The following GAB2 variants were observed in gnomAD, a reference collection of about 807,000 sequenced individuals.
GAB2 encodes the protein GRB2 associated binding protein 2.
In GAB2, 26 loss-of-function variants were observed where a neutral mutation model predicts 65.5. The ratio of observed to expected loss-of-function variants is 0.40; its 90% CI spans 0.29 to 0.55. GAB2 has a LOEUF of 0.55. Ranked by LOEUF, GAB2 falls within the 20% of genes least tolerant of loss-of-function variation. GAB2 has a pLI of 0.53. For missense variants in GAB2, 884 were observed against 875.8 expected (o/e 1.01, Z -0.12); for synonymous variants, 321 against 329.6 (o/e 0.97, Z 0.28).
chr11:78,251,788 T>A (rs1027847367), intron 2 of GAB2, among the ~76,000 whole-genome samples: 2 of 152,248 alleles, frequency 1.3e-5, no homozygotes, highest in African/African-American at 4.8e-5. Context: ...GCTCCCATTA[T>A]ATCCATGGTC....
intron 1 of GAB2, among the ~76,000 whole-genome samples, chr11:78,332,544 C>T (rs200625042): frequency 2.0e-5 from 3 of 152,140 alleles, no homozygotes; most frequent in East Asian, 1.9e-4. Context: ...ATGAGAGAAA[C>T]GGATCAGTAG....
intron 1 of GAB2, among the ~76,000 whole-genome samples, chr11:78,351,468 G>C (rs1856277105): frequency 6.6e-6 from 1 of 152,110 alleles, no homozygotes; most frequent in African/African-American, 2.4e-5. Context: ...TTGATTCTCA[G>C]CCTGGGATTC....
intron 3 of GAB2, among the ~76,000 whole-genome samples, chr11:78,245,824 T>A (rs1865278954): frequency 6.6e-6 from 1 of 152,252 alleles, no homozygotes; most frequent in African/African-American, 2.4e-5. Flanking sequence ...TAAAAGCAGA[T>A]CTCTTGGAAA....
At chr11:78,340,802 G>C (rs759664821) in intron 1 of GAB2, among the ~76,000 whole-genome samples, 4 of 152,156 alleles carry the variant, frequency 2.6e-5, no homozygotes, top group African/African-American at 4.8e-5. Context: ...AGGAAAGGGT[G>C]TATCTCTCAA....
chr11:78,249,849 T>C (rs901420819), intron 3 of GAB2, among the ~76,000 whole-genome samples: 1 of 82,634 alleles, frequency 1.2e-5, no homozygotes, highest in Non-Finnish European at 2.1e-5. Context: ...AAATTGACTG[T>C]TTTTTTTTGC....
chr11:78,348,243 G>A (rs981177371), intron 1 of GAB2, among the ~76,000 whole-genome samples: 1 of 152,100 alleles, frequency 6.6e-6, no homozygotes, highest in Admixed American at 6.6e-5. Context: ...AAGAATCCAA[G>A]TATAAATGGA....
At chr11:78,286,011 C>T (rs1042076163) in intron 1 of GAB2, among the ~76,000 whole-genome samples, 9 of 151,854 alleles carry the variant, frequency 5.9e-5, no homozygotes, top group Middle Eastern at 3.2e-3. Flanking sequence ...GCTTTCTTAC[C>T]GCTCTCACCT....
chr11:78,306,332 G>C (rs1855358304), intron 1 of GAB2, among the ~76,000 whole-genome samples: 1 of 152,152 alleles, frequency 6.6e-6, no homozygotes, highest in Non-Finnish European at 1.5e-5. Flanking sequence ...CCAGGTTCAA[G>C]CAATTCTCCT....
intron 6 of GAB2, 121 bp from the exon 7 acceptor site, chr11:78,222,316 G>A (rs900762942): frequency 1.7e-4 from 117 of 686,646 alleles, no homozygotes; most frequent in Non-Finnish European, 6.1e-5. Flanking sequence ...GTTTCACACA[G>A]GGAAACTGAC....
rs145702789 is a variant in GAB2 at position 78,346,475 on chromosome 11, T to G, written c.76-65574A>C. On this transcript the variant is annotated intron_variant, in intron 1 of 9. Coordinates refer to ENST00000361507, the MANE Select transcript of GAB2 (RefSeq NM_080491.3). ...ATAGGAAATCGAACTTCATAGAGACTGGGTGATTTGCTAGCTATGTAAATA... is the reference window on the plus strand; with the variant it reads ...ATAGGAAATCGAACTTCATAGAGACGGGGTGATTTGCTAGCTATGTAAATA... Among the ~76,000 whole-genome samples, 11 of 151,974 alleles carry G rather than the reference T, an allele frequency of 7.2e-5. No individual in the cohort carries two copies. In the East Asian group the frequency reaches 2.1e-3, roughly 29 times the overall value.
chr11:78,242,059 A>G (rs1163240967), intron 3 of GAB2, among the ~76,000 whole-genome samples: 1 of 152,250 alleles, frequency 6.6e-6, no homozygotes, highest in Non-Finnish European at 1.5e-5. Context: ...GAGATTTTAA[A>G]AGAATTGATA....
intron 1 of GAB2, among the ~76,000 whole-genome samples, chr11:78,399,068 AACTC>A (rs1213040345): frequency 1.3e-5 from 2 of 152,216 alleles, no homozygotes; most frequent in Admixed American, 6.5e-5. Context: ...GATCCTAAGG[AACTC>A]ACTCACTACT....
chr11:78,258,482 A>G (rs188396735), intron 2 of GAB2, among the ~76,000 whole-genome samples: 12 of 152,222 alleles, frequency 7.9e-5, no homozygotes, highest in African/African-American at 2.9e-4. Context: ...GACTTCCCAG[A>G]CACAGGTTCT....
chr11:78,292,496 G>T (rs1427497628), intron 1 of GAB2, among the ~76,000 whole-genome samples: 1 of 152,200 alleles, frequency 6.6e-6, no homozygotes, highest in East Asian at 1.9e-4. Flanking sequence ...CTCTCAGGTG[G>T]TGATGTGGTT....
intron 1 of GAB2, among the ~76,000 whole-genome samples, chr11:78,313,304 C>T (rs1339603840): frequency 6.6e-6 from 1 of 152,072 alleles, no homozygotes; most frequent in Non-Finnish European, 1.5e-5. Context: ...AATCCGAATC[C>T]TAGACTGTTG....
At chr11:78,250,871 T>C (rs1242397182) in intron 2 of GAB2, among the ~76,000 whole-genome samples, 1 of 152,176 alleles carries the variant, frequency 6.6e-6, no homozygotes, top group Non-Finnish European at 1.5e-5. Context: ...AATACCCTAA[T>C]GTTCTCACTT....
intron 1 of GAB2, among the ~76,000 whole-genome samples, chr11:78,346,703 AT>A (rs1856190219): frequency 1.1e-5 from 1 of 95,032 alleles, no homozygotes. Flanking sequence ...ATATATATAT[AT>A]ATATATATAT....
In GAB2 at chr11:78,223,505, G is replaced by A; in HGVS notation, c.1474C>T (p.Pro492Ser). Reference protein sequence around the residue: ...GAHHFDSLGYPSTTLPVHRGP... With the variant: ...GAHHFDSLGYSSTTLPVHRGP... ...CGGTGCACAGGAAGGGTTGTTGATG[G>A]GTAGCCAAGTGAGTCAAAGTGATGG... The change falls in exon 6 of 10, where the codon CCA becomes TCA. Residue 492 changes from proline (P) to serine (S), a missense_variant. Pro to Ser is a moderately conservative substitution (Grantham distance 74, BLOSUM62 -1). Transcript: ENST00000361507. 2.5e-6 allele frequency: 4 copies of A among 1,611,670 alleles called. No homozygotes were observed. In the South Asian group the frequency reaches 4.4e-5, roughly 18 times the overall value.
chr11:78,296,344 A>T (rs563580336), intron 1 of GAB2, among the ~76,000 whole-genome samples: 4 of 152,198 alleles, frequency 2.6e-5, no homozygotes, highest in South Asian at 4.1e-4. Context: ...ACCTCGTTTT[A>T]TATGTGTTTC....
Sources: allele counts gnomAD v4.1 joint callset (sites outside exome capture counted in the v4.1 genomes callset), GRCh38; gene constraint gnomAD v4.1.1; transcripts MANE v1.5; gene names NCBI Gene and HGNC (gene_info 2026-07-23, HGNC 2026-07-21).